The following SLC44A2 variants were observed in gnomAD, a reference collection of about 807,000 sequenced individuals.
SLC44A2 encodes solute carrier family 44 member 2 (CTL2 blood group).
SLC44A2 carries 57 observed loss-of-function variants against 90.8 expected under a neutral mutation model. That is an observed-to-expected ratio of 0.63 (90% CI 0.51 to 0.78). SLC44A2 has a LOEUF of 0.78. Ranked by LOEUF, SLC44A2 falls within the 30% of genes least tolerant of loss-of-function variation. The pLI is 0.00. For synonymous variants in SLC44A2, 355 were observed against 360.7 expected (o/e 0.98, Z 0.18); for missense variants, 794 against 919.7 (o/e 0.86, Z 1.77).
In SLC44A2 at chr19:10,642,355, C is replaced by T; in HGVS notation, c.1930-12C>T. 6.2e-7 allele frequency: 1 copy of T among 1,613,630 alleles called. No homozygotes were observed. Among genetic ancestry groups the T allele is most frequent in the Non-Finnish European group, 8.5e-7 (1 of 1,179,610 alleles). ...GACACGGAGCAGGGACAGCTCGTTTCTCCTTGCCCAGACGGTGATCGTTGG... is the reference window on the plus strand; with the variant it reads ...GACACGGAGCAGGGACAGCTCGTTTTTCCTTGCCCAGACGGTGATCGTTGG... On this transcript the variant is annotated splice_polypyrimidine_tract_variant and intron_variant, in intron 20 of 21. Coordinates refer to ENST00000335757, the MANE Select transcript of SLC44A2 (RefSeq NM_020428.4).
chr19:10,607,323 C>T (rs559729323), intron 1 of SLC44A2, among the ~76,000 whole-genome samples: 1 of 152,026 alleles, frequency 6.6e-6, no homozygotes, highest in East Asian at 1.9e-4. Flanking sequence ...CTCTCCCACC[C>T]CGGACCATAC....
intron 1 of SLC44A2, among the ~76,000 whole-genome samples, chr19:10,605,689 A>C (rs1341622204): frequency 6.6e-6 from 1 of 151,216 alleles, no homozygotes. Flanking sequence ...TCCGTCTCAA[A>C]AAAAAAAAAG....
intron 21 of SLC44A2, among the ~76,000 whole-genome samples, chr19:10,642,689 G>A (rs901509874): frequency 2.0e-5 from 3 of 152,138 alleles, no homozygotes; most frequent in South Asian, 2.1e-4. Flanking sequence ...GAGCCCGCCC[G>A]CGCTTCGCAG....
At position 10,636,864 on chromosome 19, in the gene SLC44A2, G is replaced by A. The variant is rs1390681369; in HGVS notation, c.1591+108G>A. On this transcript the variant is annotated intron_variant, in intron 16 of 21. Coordinates refer to ENST00000335757, the MANE Select transcript of SLC44A2 (RefSeq NM_020428.4). The stretch of plus-strand genomic sequence containing the variant: ...TGGGCGGGGCCAAGATAATAGAGCA[G>A]TGATGGGTTTCTGTCTATGACGGGG... 4 of 1,148,766 alleles carry A rather than the reference G, an allele frequency of 3.5e-6. No homozygotes were observed. The African/African-American group carries it at 4.6e-5, about 13-fold the overall frequency. The allele number at this position is 1,148,766 out of a possible 1,614,324, so 71.2% of individuals were successfully genotyped here.
intron 20 of SLC44A2, among the ~76,000 whole-genome samples, chr19:10,640,037 G>A (rs568401126): frequency 6.7e-6 from 1 of 149,216 alleles, no homozygotes; most frequent in Non-Finnish European, 1.5e-5. Flanking sequence ...TCTAAGATGA[G>A]TAAGAGTAAT....
chr19:10,635,239 T>G lies in SLC44A2; in HGVS notation c.1132T>G (p.Trp378Gly). The change falls in exon 13 of 22, where the codon TGG becomes GGG. Residue 378 changes from tryptophan (W) to glycine (G), a missense_variant. By Grantham distance (184) the Trp-to-Gly change is radical. This residue lies in a region of SLC44A2 where 738 missense variants were observed against 841.1 expected (regional missense o/e 0.88). Transcript: ENST00000335757. ...CTTGCTGTGCCTCTGCATCGCCTACTGGGCCAGCACTGCTGTGTATCTGCC... is the reference window on the plus strand; with the variant it reads ...CTTGCTGTGCCTCTGCATCGCCTACGGGGCCAGCACTGCTGTGTATCTGCC... ...FFLLCLCIAY[W>G]ASTAVFLSTS... is the part of the protein sequence containing the mutation. 1 of 1,614,058 alleles carries G rather than the reference T, an allele frequency of 6.2e-7. No individual in the cohort carries two copies. The highest frequency in any genetic ancestry group is 8.5e-7 in the Non-Finnish European group (1 of 1,180,018).
In SLC44A2 at chr19:10,642,347, G is replaced by A; in HGVS notation, c.1930-20G>A. 6.2e-7 allele frequency: 1 copy of A among 1,611,696 alleles called. No homozygotes were observed. The highest frequency in any genetic ancestry group is 1.3e-5 in the African/African-American group (1 of 74,964). The stretch of plus-strand genomic sequence containing the variant: ...CTGGGAAGGACACGGAGCAGGGACA[G>A]CTCGTTTCTCCTTGCCCAGACGGTG... On this transcript the variant is annotated intron_variant, in intron 20 of 21. Coordinates refer to ENST00000335757, the MANE Select transcript of SLC44A2 (RefSeq NM_020428.4).
chr19:10,631,176 C>T (rs1446438402), intron 5 of SLC44A2, 35 bp downstream of exon 5: 34 of 1,608,056 alleles, frequency 2.1e-5, no homozygotes, highest in Non-Finnish European at 2.8e-5. Context: ...TTTTCCTCTC[C>T]CCGCTTCCCA....
At chr19:10,634,713 G>A in intron 10 of SLC44A2, 43 bp from the exon 11 acceptor site, 4 of 1,611,836 alleles carry the variant, frequency 2.5e-6, no homozygotes, top group Non-Finnish European at 3.4e-6. Flanking sequence ...TTGCAAAGTT[G>A]CAGGAGGCAC....
intron 1 of SLC44A2, among the ~76,000 whole-genome samples, chr19:10,613,453 G>A (rs535859404): frequency 9.8e-4 from 149 of 152,168 alleles, no homozygotes; most frequent in African/African-American, 3.2e-3. Context: ...GTTTCACCAC[G>A]TTGGACAGGC....
chr19:10,602,474 GC>G (rs1189210191), upstream of SLC44A2: 2 of 1,161,408 alleles, frequency 1.7e-6, no homozygotes, highest in African/African-American at 3.3e-5. Context: ...GGAGCCTCCC[GC>G]CCGCCCGGGC....
intron 1 of SLC44A2, among the ~76,000 whole-genome samples, chr19:10,609,172 G>A (rs923077542): frequency 1.3e-5 from 2 of 152,012 alleles, no homozygotes; most frequent in African/African-American, 4.8e-5. Flanking sequence ...TGGCCAGGCT[G>A]GTCTTGAACT....
chr19:10,639,669 A>G (rs1326346594), intron 20 of SLC44A2, among the ~76,000 whole-genome samples: 1 of 152,146 alleles, frequency 6.6e-6, no homozygotes, highest in African/African-American at 2.4e-5. Context: ...ACCTGAGGTC[A>G]GGGGTTTGAG....
At chr19:10,625,343 G>C (rs2066921106), upstream of SLC44A2, 1 of 624,692 alleles carries the variant, frequency 1.6e-6, no homozygotes, top group African/African-American at 1.9e-5. Flanking sequence ...CCGGTGGCAG[G>C]GTGTTCCCAG....
upstream of SLC44A2, among the ~76,000 whole-genome samples, chr19:10,620,642 G>A (rs568472971): frequency 6.6e-6 from 1 of 152,076 alleles, no homozygotes; most frequent in African/African-American, 2.4e-5. Flanking sequence ...TACTGGGGAC[G>A]CAGCCGGAAT....
intron 16 of SLC44A2, 157 bp from the exon 17 acceptor site, chr19:10,637,487 C>T (rs1334560543): frequency 1.5e-6 from 1 of 654,560 alleles, no homozygotes; most frequent in Non-Finnish European, 2.7e-6. Context: ...TCATAGCTCA[C>T]TGCAGCCTCA....
intron 4 of SLC44A2, among the ~76,000 whole-genome samples, chr19:10,629,508 C>A (rs904425229): frequency 1.3e-5 from 2 of 151,506 alleles, no homozygotes; most frequent in Admixed American, 6.6e-5. Context: ...GAACTCCTGA[C>A]CTCAGGTTAT....
chr19:10,631,807 C>A, intron 8 of SLC44A2, 58 bp downstream of exon 8: 1 of 1,614,038 alleles, frequency 6.2e-7, no homozygotes, highest in East Asian at 2.2e-5. Context: ...ACAGGCAATC[C>A]CCTGTGGTTG....
chr19:10,635,138 C>G (rs776038261), intron 12 of SLC44A2, 25 bp from the exon 13 acceptor site: 79 of 1,613,570 alleles, frequency 4.9e-5, no homozygotes, highest in Non-Finnish European at 6.3e-5. Context: ...TTTGCCCTGA[C>G]GCCTGTGTCT....
Sources: allele counts gnomAD v4.1 joint callset (sites outside exome capture counted in the v4.1 genomes callset), GRCh38; gene constraint gnomAD v4.1.1; regional missense constraint gnomAD v4.1.1; transcripts MANE v1.5; gene names NCBI Gene and HGNC (gene_info 2026-07-23, HGNC 2026-07-21).